KIDINS220: variants seen among roughly 807,000 people sequenced by gnomAD.
KIDINS220 encodes kinase D interacting substrate 220.
A neutral mutation model predicts 157.6 loss-of-function variants in KIDINS220; 63 were observed. That is an observed-to-expected ratio of 0.40 (90% CI 0.33 to 0.49). The LOEUF is 0.49. KIDINS220 is among the 20% of genes least tolerant of loss of function. The pLI is 0.66. For synonymous variants in KIDINS220, 732 were observed against 783.6 expected (o/e 0.93, Z 1.10); for missense variants, 1,772 against 2,171.2 (o/e 0.82, Z 3.65).
At chr2:8,774,015 CAG>C (rs1670593450) in intron 21 of KIDINS220, among the ~76,000 whole-genome samples, 1 of 152,104 alleles carries the variant, frequency 6.6e-6, no homozygotes, top group Non-Finnish European at 1.5e-5. Context: ...ATAAGAAAGA[CAG>C]ATAGAATGCC....
At chr2:8,728,376 T>A (rs1271391811), downstream of KIDINS220, among the ~76,000 whole-genome samples, 1 of 152,260 alleles carries the variant, frequency 6.6e-6, no homozygotes, top group East Asian at 1.9e-4. Flanking sequence ...CCCACAGGAC[T>A]CTAAATGGAT....
chr2:8,809,481 T>C lies in KIDINS220; in HGVS notation c.504+2914A>G, dbSNP rs114843181. 6.1e-3 allele frequency among the ~76,000 whole-genome samples: 921 copies of C among 151,522 alleles called. 12 individuals are homozygous for C. The highest frequency in any genetic ancestry group is 0.021 in the African/African-American group (876 of 41,436). On this transcript the variant is annotated intron_variant, in intron 6 of 29. Transcript: ENST00000256707. ...TAGCTCTGGAGATTAATAATAATTA[T>C]ATAAATAATTATGTATTATAATTAA... is the stretch of plus-strand genomic sequence containing the variant.
intron 12 of KIDINS220, among the ~76,000 whole-genome samples, chr2:8,792,682 G>C (rs904186316): frequency 3.9e-5 from 6 of 152,168 alleles, no homozygotes; most frequent in African/African-American, 1.4e-4. Context: ...CTGCCAGAGG[G>C]AGAAGAAATT....
At chr2:8,768,537 G>A (rs760504631) in intron 22 of KIDINS220, among the ~76,000 whole-genome samples, 2 of 151,986 alleles carry the variant, frequency 1.3e-5, no homozygotes, top group Non-Finnish European at 2.9e-5. Flanking sequence ...CAGCAGATGT[G>A]TCATCAAATT....
intron 4 of KIDINS220, among the ~76,000 whole-genome samples, chr2:8,816,889 T>C (rs1677157705): frequency 6.6e-6 from 1 of 152,244 alleles, no homozygotes; most frequent in Admixed American, 6.5e-5. Context: ...GTTGAACTAC[T>C]GTGAAATTAT....
intron 22 of KIDINS220, among the ~76,000 whole-genome samples, chr2:8,765,395 A>G (rs1669337935): frequency 6.6e-6 from 1 of 152,156 alleles, no homozygotes; most frequent in Non-Finnish European, 1.5e-5. Context: ...ATTCACTCTC[A>G]ACCAGGGGTT....
intron 1 of KIDINS220, among the ~76,000 whole-genome samples, chr2:8,835,468 T>C (rs1334054944): frequency 6.6e-6 from 1 of 151,960 alleles, no homozygotes; most frequent in Non-Finnish European, 1.5e-5. Context: ...CCAATCAATA[T>C]GGGTCACACA....
chr2:8,726,703 G>A (rs1344532787), downstream of KIDINS220, among the ~76,000 whole-genome samples: 4 of 152,250 alleles, frequency 2.6e-5, no homozygotes, highest in Middle Eastern at 6.8e-3. Flanking sequence ...TGTACAGCAC[G>A]GTACTGAATA....
chr2:8,806,260 A>G lies in KIDINS220; in HGVS notation c.603+11T>C, dbSNP rs1675440180. 2.6e-6 allele frequency: 4 copies of G among 1,557,640 alleles called. No individual in the cohort carries two copies. The African/African-American group carries it at 5.5e-5, about 21-fold the overall frequency. On this transcript the variant is annotated intron_variant, in intron 7 of 29. Coordinates refer to ENST00000256707, the MANE Select transcript of KIDINS220 (RefSeq NM_020738.4). Reference sequence around the variant, plus strand: ...TTTCTATTGCCAAGCATTAAAATATAAGATACTTACAGCTCCTTCTTGATC... The same window carrying G: ...TTTCTATTGCCAAGCATTAAAATATGAGATACTTACAGCTCCTTCTTGATC...
At chr2:8,795,801 T>C (rs1046093509) in intron 11 of KIDINS220, among the ~76,000 whole-genome samples, 3 of 152,226 alleles carry the variant, frequency 2.0e-5, no homozygotes, top group Non-Finnish European at 4.4e-5. Flanking sequence ...CTGGTGGTTC[T>C]GTATCGCAAA....
At chr2:8,825,017 A>G (rs1678538101) in intron 2 of KIDINS220, among the ~76,000 whole-genome samples, 1 of 152,182 alleles carries the variant, frequency 6.6e-6, no homozygotes, top group South Asian at 2.1e-4. Context: ...GCCAGGGTTT[A>G]GGGAGAGGGG....
chr2:8,783,387 A>G (rs2148231888), intron 17 of KIDINS220, among the ~76,000 whole-genome samples: 1 of 152,312 alleles, frequency 6.6e-6, no homozygotes, highest in South Asian at 2.1e-4. Flanking sequence ...TGAGAACATG[A>G]AAACATCTAC....
At chr2:8,799,680 C>T (rs964155737) in intron 9 of KIDINS220, among the ~76,000 whole-genome samples, 1 of 152,232 alleles carries the variant, frequency 6.6e-6, no homozygotes, top group East Asian at 1.9e-4. Context: ...TGTTAATTCC[C>T]CCATAACATT....
Position 8,803,074 on chromosome 2 carries a change from TACTG to T in KIDINS220, c.653_656del (p.Ser218Ter). 3 of 1,613,058 alleles carry T rather than the reference TACTG, an allele frequency of 1.9e-6. No homozygotes were observed. Among genetic ancestry groups the T allele is most frequent in the Non-Finnish European group, 2.5e-6 (3 of 1,179,960 alleles). ...TTGGATTCCTCTTCAAAATTTCTTT[TACTG>T]ACTGTGTGTAACCTCCTTTCACTGC... On this transcript the variant is annotated frameshift_variant, in exon 8 of 30. Coordinates refer to ENST00000256707, the MANE Select transcript of KIDINS220 (RefSeq NM_020738.4). LOFTEE classifies it high-confidence loss of function.
chr2:8,734,757 A>G lies in KIDINS220; in HGVS notation c.3718-4T>C, dbSNP rs1485194777. On this transcript the variant is annotated splice_region_variant and splice_polypyrimidine_tract_variant and intron_variant, in intron 27 of 29. Coordinates refer to ENST00000256707, the MANE Select transcript of KIDINS220 (RefSeq NM_020738.4). ...ACACACGGCCATTTATGTTTGCCTG[A>G]GTAAAAATTAAAACAATTATGGGTA... 7.5e-6 allele frequency: 12 copies of G among 1,602,104 alleles called. No homozygotes were observed. The highest frequency in any genetic ancestry group is 1.0e-5 in the Non-Finnish European group (12 of 1,172,492).
chr2:8,769,516 G>A (rs1016779783), intron 22 of KIDINS220, among the ~76,000 whole-genome samples: 1 of 152,104 alleles, frequency 6.6e-6, no homozygotes, highest in South Asian at 2.1e-4. Flanking sequence ...AGAGTGTCAA[G>A]GGATTACCTG....
At chr2:8,831,421 T>A (rs1679608183) in intron 1 of KIDINS220, among the ~76,000 whole-genome samples, 1 of 150,962 alleles carries the variant, frequency 6.6e-6, no homozygotes, top group East Asian at 2.0e-4. Flanking sequence ...TTCCAGACCT[T>A]TGCACTTAAT....
Position 8,736,975 on chromosome 2 carries a change from C to T in KIDINS220, c.3610G>A (p.Val1204Met), listed in dbSNP as rs760796094. The T allele has an allele frequency of 3.9e-5, 63 of 1,614,066 alleles. No homozygotes were observed. The highest frequency in any genetic ancestry group is 5.3e-5 in the Non-Finnish European group (63 of 1,180,026). Residue 1204 changes from valine (V) to methionine (M), a missense_variant, in exon 27 of 30, where the codon GTG (valine) becomes ATG (methionine). Transcript: ENST00000256707. ...SRGSGPAPGP[V>M]VLLNSLNVDA... is the part of the protein sequence containing the mutation. ...ACATTCAGTGAATTCAGTAATACCA[C>T]TGGGCCTGGGGCTGGGCCTGACCCC...
chr2:8,753,302 T>C (rs2118471), intron 22 of KIDINS220, among the ~76,000 whole-genome samples: 134,316 of 152,240 alleles, frequency 0.88, 59,297 homozygotes, highest in Non-Finnish European at 0.9. Flanking sequence ...AAAGAGTGTA[T>C]AGCAATATGT....
Sources: gnomAD v4.1 joint callset for allele counts (sites outside exome capture counted in the v4.1 genomes callset) on GRCh38, gnomAD v4.1.1 for gene constraint, MANE v1.5 for transcripts, NCBI Gene and HGNC (gene_info 2026-07-23, HGNC 2026-07-21) for gene names.